The following MCPH1 variants were observed in gnomAD, a reference collection of about 807,000 sequenced individuals.
MCPH1 encodes the protein microcephalin 1, also known as microcephalin.
MCPH1 carries 104 observed loss-of-function variants against 84.5 expected under a neutral mutation model. The ratio of observed to expected loss-of-function variants is 1.23; its 90% CI spans 1.05 to 1.45. The LOEUF (loss-of-function observed/expected upper bound fraction) is 1.45. Ranked by LOEUF, MCPH1 falls within the 40% of genes most tolerant of loss-of-function variation. The pLI is 0.00. For synonymous variants in MCPH1, 514 were observed against 366.8 expected, an observed-to-expected ratio of 1.40 and a Z score of -4.58; for missense variants, 1,498 against 1,005.7, an observed-to-expected ratio of 1.49 and a Z score of -6.62.
At position 6,576,023 on chromosome 8, in the gene MCPH1, C is replaced by G. The variant is rs553182009; in HGVS notation, c.2215-45431C>G. Among the ~76,000 whole-genome samples, 5 of 120,302 alleles carry G rather than the reference C, an allele frequency of 4.2e-5. No individual in the cohort carries two copies. In the South Asian group the frequency reaches 1.4e-3, roughly 34 times the overall value. The allele number at this position is 120,302 out of a possible 152,430, so 78.9% of individuals were successfully genotyped here. On this transcript the variant is annotated intron_variant, in intron 12 of 13. Transcript: ENST00000344683. The stretch of plus-strand genomic sequence containing the variant: ...GCAAGTTTGTGGTACTTTGTTACAA[C>G]AACCCTAGCAAACTAATACAGCCTT...
intron 12 of MCPH1, among the ~76,000 whole-genome samples, chr8:6,561,657 T>C (rs549576941): frequency 6.6e-6 from 1 of 152,374 alleles, no homozygotes; most frequent in East Asian, 1.9e-4. Context: ...AATGGCATCA[T>C]CATGCTACTT....
rs1303988373 is a variant in MCPH1, at chr8:6,555,619, G to A, written c.2214+55690G>A. Among the ~76,000 whole-genome samples the A allele has an allele frequency of 3.3e-5, 5 of 151,824 alleles. No individual in the cohort carries two copies. The South Asian group carries it at 6.2e-4, about 19-fold the overall frequency. The stretch of plus-strand genomic sequence containing the variant: ...TGAGACTACAGGCATGTACCACCAC[G>A]CCTGGGTGATTTTTATATTTTTTGG... On this transcript the variant is annotated intron_variant, in intron 12 of 13. Transcript: ENST00000344683.
chr8:6,600,889 C>A (rs1829306799), intron 12 of MCPH1, among the ~76,000 whole-genome samples: 1 of 152,166 alleles, frequency 6.6e-6, no homozygotes, highest in Non-Finnish European at 1.5e-5. Flanking sequence ...GGACAGACAT[C>A]TCACCCAGGA....
intron 3 of MCPH1, among the ~76,000 whole-genome samples, chr8:6,419,259 G>A (rs1799808441): frequency 6.6e-6 from 1 of 151,562 alleles, no homozygotes; most frequent in Non-Finnish European, 1.5e-5. Flanking sequence ...TTGCTCTGTT[G>A]CCGAGGCTGG....
At chr8:6,632,620 TA>T (rs1563219008) in intron 13 of MCPH1, among the ~76,000 whole-genome samples, 1 of 152,076 alleles carries the variant, frequency 6.6e-6, no homozygotes, top group African/African-American at 2.4e-5. Flanking sequence ...CCATCCTGGC[TA>T]ACACAGTGAA....
intron 3 of MCPH1, among the ~76,000 whole-genome samples, chr8:6,427,245 G>A (rs567558574): frequency 8.5e-5 from 13 of 152,308 alleles, no homozygotes; most frequent in African/African-American, 2.9e-4. Context: ...TGGTTGAGTC[G>A]TTGAGTGAGT....
chr8:6,565,802 A>G (rs761350625), intron 12 of MCPH1, among the ~76,000 whole-genome samples: 1 of 152,244 alleles, frequency 6.6e-6, no homozygotes, highest in Non-Finnish European at 1.5e-5. Context: ...CAGTCGGAGC[A>G]CAAAGAAAGA....
intron 12 of MCPH1, among the ~76,000 whole-genome samples, chr8:6,583,853 T>TTG (rs146728721): frequency 5.5e-5 from 3 of 54,628 alleles, no homozygotes; most frequent in Non-Finnish European, 1.2e-4. Flanking sequence ...TCATTTCTTG[T>TTG]TTTGTTTTTT....
intron 11 of MCPH1, among the ~76,000 whole-genome samples, chr8:6,488,947 A>G (rs1444987541): frequency 1.3e-5 from 2 of 152,080 alleles, no homozygotes; most frequent in South Asian, 4.2e-4. Flanking sequence ...GATCTAGTGG[A>G]ATCTGTAACG....
At chr8:6,553,751 G>A (rs1197163148) in intron 12 of MCPH1, among the ~76,000 whole-genome samples, 1 of 151,870 alleles carries the variant, frequency 6.6e-6, no homozygotes, top group Non-Finnish European at 1.5e-5. Context: ...AGGGGAAATG[G>A]CAGTTTCCCC....
chr8:6,621,401 A>G (rs754967703), intron 12 of MCPH1, 53 bp from the exon 13 acceptor site: 52 of 1,606,398 alleles, frequency 3.2e-5, no homozygotes, highest in Non-Finnish European at 4.1e-5. Context: ...CGCCTACGCT[A>G]TGGAGACTGG....
intron 11 of MCPH1, among the ~76,000 whole-genome samples, chr8:6,488,636 A>G (rs531334659): frequency 4.3e-4 from 66 of 152,272 alleles, no homozygotes; most frequent in Admixed American, 1.2e-3. Flanking sequence ...CACCTTTGCA[A>G]GAAAGAGAAA....
chr8:6,436,239 G>C, intron 5 of MCPH1, 77 bp downstream of exon 5: 1 of 1,456,944 alleles, frequency 6.9e-7, no homozygotes, highest in Non-Finnish European at 9.5e-7. Context: ...GACTAGTGGG[G>C]TTCAGCATGA....
intron 12 of MCPH1, among the ~76,000 whole-genome samples, chr8:6,605,681 A>C (rs568505902): frequency 1.3e-5 from 2 of 150,134 alleles, no homozygotes; most frequent in South Asian, 4.2e-4. Flanking sequence ...AGTTCTGTGA[A>C]TCACAGACAT....
intron 12 of MCPH1, among the ~76,000 whole-genome samples, chr8:6,585,443 C>T (rs537870729): frequency 1.6e-4 from 25 of 152,364 alleles, no homozygotes; most frequent in East Asian, 7.7e-4. Context: ...TTCCCGGGAA[C>T]GCCGGCTTTT....
intron 9 of MCPH1, 109 bp from the exon 10 acceptor site, chr8:6,477,485 T>C: frequency 3.0e-6 from 3 of 985,368 alleles, no homozygotes; most frequent in Non-Finnish European, 4.7e-6. Flanking sequence ...TAAATGTTTA[T>C]TTTTAAGTGA....
intron 11 of MCPH1, among the ~76,000 whole-genome samples, chr8:6,491,721 C>T (rs7837152): frequency 0.073 from 11,111 of 151,800 alleles, 1,051 homozygotes; most frequent in African/African-American, 0.21. Context: ...TGAGAACATG[C>T]GGTGTTTGGT....
intron 12 of MCPH1, among the ~76,000 whole-genome samples, chr8:6,601,541 A>C (rs550719676): frequency 9.7e-4 from 137 of 140,862 alleles, no homozygotes; most frequent in African/African-American, 3.7e-3. Flanking sequence ...ACACACACAC[A>C]CACACCCCTA....
intron 12 of MCPH1, among the ~76,000 whole-genome samples, chr8:6,597,865 C>G (rs1829046883): frequency 6.6e-6 from 1 of 152,188 alleles, no homozygotes; most frequent in African/African-American, 2.4e-5. Flanking sequence ...GCCTGCCCTT[C>G]ACTTACCCAT....
Sources: allele counts gnomAD v4.1 joint callset (sites outside exome capture counted in the v4.1 genomes callset), GRCh38; gene constraint gnomAD v4.1.1; transcripts MANE v1.5; gene names NCBI Gene and HGNC (gene_info 2026-07-23, HGNC 2026-07-21).